ANKS1B: variants seen among roughly 807,000 people sequenced by gnomAD.
ANKS1B encodes the protein ankyrin repeat and sterile alpha motif domain containing 1B, also known as ankyrin repeat and sterile alpha motif domain-containing protein 1B.
Under a neutral mutation model 148.3 loss-of-function variants are expected in ANKS1B, and 36 were observed. That is an observed-to-expected ratio of 0.24 (90% CI 0.19 to 0.32). The LOEUF (loss-of-function observed/expected upper bound fraction) is 0.32. Ranked by LOEUF, ANKS1B falls within the 10% of genes least tolerant of loss-of-function variation. ANKS1B has a pLI of 1.00. For missense variants in ANKS1B, 1,157 were observed against 1,542.6 expected, an observed-to-expected ratio of 0.75 and a Z score of 4.19; for synonymous variants, 542 against 560.8, an observed-to-expected ratio of 0.97 and a Z score of 0.47.
At chr12:99,089,080 C>T (rs1014991440) in intron 15 of ANKS1B, among the ~76,000 whole-genome samples, 4 of 151,970 alleles carry the variant, frequency 2.6e-5, no homozygotes, top group African/African-American at 9.7e-5. Flanking sequence ...CTGCCTCGGC[C>T]TCCCAAAGTG....
intron 9 of ANKS1B, among the ~76,000 whole-genome samples, chr12:99,510,170 G>A (rs967960456): frequency 3.3e-5 from 5 of 152,090 alleles, no homozygotes; most frequent in African/African-American, 9.6e-5. Context: ...AGAGCTGTAC[G>A]AAGAGATTAA....
At chr12:99,554,366 TGAAACA>T (rs2097254953) in intron 9 of ANKS1B, among the ~76,000 whole-genome samples, 1 of 152,182 alleles carries the variant, frequency 6.6e-6, no homozygotes, top group East Asian at 1.9e-4. Context: ...CATGAAATGC[TGAAACA>T]GTCTTTCTCT....
At chr12:99,412,074 CTTTTT>C (rs375063867) in intron 11 of ANKS1B, among the ~76,000 whole-genome samples, 1 of 151,692 alleles carries the variant, frequency 6.6e-6, no homozygotes, top group Non-Finnish European at 1.5e-5. Context: ...AAAAACTTTT[CTTTTT>C]TTTCAAGTAT....
At chr12:98,904,407 G>C (rs1271447731) in intron 17 of ANKS1B, among the ~76,000 whole-genome samples, 1 of 152,162 alleles carries the variant, frequency 6.6e-6, no homozygotes, top group African/African-American at 2.4e-5. Flanking sequence ...CTACTTCCAA[G>C]GACACATGAT....
At chr12:99,219,791 G>A (rs1414853720) in intron 14 of ANKS1B, among the ~76,000 whole-genome samples, 1 of 152,192 alleles carries the variant, frequency 6.6e-6, no homozygotes, top group Non-Finnish European at 1.5e-5. Flanking sequence ...CAGTCTTTGA[G>A]CATAGCTGTT....
intron 25 of ANKS1B, among the ~76,000 whole-genome samples, chr12:98,755,005 CTT>C (rs1397743452): frequency 6.6e-6 from 1 of 152,170 alleles, no homozygotes; most frequent in East Asian, 1.9e-4. Flanking sequence ...CCTTTCCTCT[CTT>C]GTCTGCAGCC....
intron 14 of ANKS1B, among the ~76,000 whole-genome samples, chr12:99,184,021 C>T (rs944690022): frequency 6.6e-6 from 1 of 152,132 alleles, no homozygotes; most frequent in East Asian, 1.9e-4. Context: ...AAGACATAGT[C>T]TTGAAGTAAA....
chr12:98,951,464 A>G (rs1392227899), intron 17 of ANKS1B, among the ~76,000 whole-genome samples: 3 of 152,086 alleles, frequency 2.0e-5, no homozygotes, highest in African/African-American at 7.2e-5. Flanking sequence ...TTGCTAAACC[A>G]TCTTCAGCAC....
At chr12:98,908,418 C>G (rs1018583689) in intron 17 of ANKS1B, among the ~76,000 whole-genome samples, 14 of 152,304 alleles carry the variant, frequency 9.2e-5, no homozygotes, top group African/African-American at 3.1e-4. Flanking sequence ...AATATATCAT[C>G]CCATTTAATC....
rs187918278 is a variant in ANKS1B at position 98,796,508 on chromosome 12, A to G, written c.3342+2426T>C. ...GAAAATTAGCTGCAAGTTGAGATCT[A>G]CATCATTTATAGTTGGTGAAAGTTC... On this transcript the variant is annotated intron_variant, in intron 22 of 26. Transcript: ENST00000683438. Among the ~76,000 whole-genome samples, 5 of 152,334 alleles carry G rather than the reference A, an allele frequency of 3.3e-5. No homozygotes were observed. The South Asian group carries it at 8.3e-4, about 25-fold the overall frequency.
At chr12:99,928,922 A>G (rs1418561891) in intron 1 of ANKS1B, among the ~76,000 whole-genome samples, 1 of 152,194 alleles carries the variant, frequency 6.6e-6, no homozygotes, top group African/African-American at 2.4e-5. Flanking sequence ...GACTCTATAT[A>G]AGGCCACTAA....
rs186613244 is a variant in ANKS1B at position 99,910,701 on chromosome 12, T to C, written c.134+73403A>G. Among the ~76,000 whole-genome samples the C allele has an allele frequency of 1.6e-3, 249 of 151,288 alleles. 8 individuals are homozygous for C. The East Asian group carries it at 0.04, about 24-fold the overall frequency. On this transcript the variant is annotated intron_variant, in intron 1 of 26. Coordinates refer to ENST00000683438, the MANE Select transcript of ANKS1B (RefSeq NM_001352186.2). ...AAAAACTTTAAATAGGTGAACATTA[T>C]GAGAATTATATCTCAATAAAGCTGT...
intron 17 of ANKS1B, chr12:98,894,889 C>T (rs2099761165): frequency 3.1e-6 from 3 of 964,638 alleles, no homozygotes; most frequent in Non-Finnish European, 3.7e-6. Flanking sequence ...CGCGCGCGCG[C>T]CCCCCACTGC....
chr12:99,799,992 T>C (rs557731153), intron 4 of ANKS1B, among the ~76,000 whole-genome samples: 2 of 152,240 alleles, frequency 1.3e-5, no homozygotes, highest in African/African-American at 4.8e-5. Context: ...CCTGACTGAA[T>C]GGGATCACTT....
intron 12 of ANKS1B, among the ~76,000 whole-genome samples, chr12:99,285,924 A>C (rs2079066886): frequency 6.6e-6 from 1 of 152,142 alleles, no homozygotes; most frequent in African/African-American, 2.4e-5. Flanking sequence ...TGACAAGCCC[A>C]AAAACAAGCT....
chr12:99,541,294 A>G (rs1199496751), intron 9 of ANKS1B, among the ~76,000 whole-genome samples: 1 of 152,194 alleles, frequency 6.6e-6, no homozygotes, highest in Non-Finnish European at 1.5e-5. Flanking sequence ...GGAATCTTGT[A>G]TTACACTAAT....
chr12:99,482,639 G>A (rs2096430630), intron 10 of ANKS1B, among the ~76,000 whole-genome samples: 1 of 150,526 alleles, frequency 6.6e-6, no homozygotes, highest in Non-Finnish European at 1.5e-5. Context: ...ATTTTTCCAT[G>A]AGCATGGGGT....
At chr12:99,545,380 C>T (rs549503907) in intron 9 of ANKS1B, among the ~76,000 whole-genome samples, 1 of 152,160 alleles carries the variant, frequency 6.6e-6, no homozygotes, top group Non-Finnish European at 1.5e-5. Flanking sequence ...AAATTGTCCC[C>T]TAAGAATATA....
At chr12:99,345,858 C>T (rs945008501) in intron 12 of ANKS1B, among the ~76,000 whole-genome samples, 12 of 151,956 alleles carry the variant, frequency 7.9e-5, no homozygotes, top group Admixed American at 4.6e-4. Context: ...AAAAAATGCT[C>T]TTTGTAAAAT....
Sources: allele counts gnomAD v4.1 joint callset (sites outside exome capture counted in the v4.1 genomes callset), GRCh38; gene constraint gnomAD v4.1.1; transcripts MANE v1.5; gene names NCBI Gene and HGNC (gene_info 2026-07-23, HGNC 2026-07-21).